The following DPYD variants were observed in gnomAD, a reference collection of about 807,000 sequenced individuals.
DPYD encodes dihydropyrimidine dehydrogenase.
A neutral mutation model predicts 116.2 loss-of-function variants in DPYD; 109 were observed. The observed-to-expected ratio is 0.94, with a 90% CI of 0.80 to 1.10. The LOEUF (loss-of-function observed/expected upper bound fraction) is 1.10, where lower values mean the gene tolerates loss of function less well. DPYD is among the 50% of genes least tolerant of loss of function. DPYD has a pLI of 0.00. For missense variants in DPYD, 1,302 were observed against 1,254.5 expected (o/e 1.04, Z -0.57); for synonymous variants, 440 against 432.0 (o/e 1.02, Z -0.23).
intron 3 of DPYD, among the ~76,000 whole-genome samples, chr1:97,743,436 T>C (rs1003358745): frequency 6.6e-6 from 1 of 152,122 alleles, no homozygotes; most frequent in Admixed American, 6.6e-5. Context: ...TATCAACCAC[T>C]GCACTGGAAT....
intron 8 of DPYD, among the ~76,000 whole-genome samples, chr1:97,649,180 A>G: frequency 6.6e-6 from 1 of 152,086 alleles, no homozygotes; most frequent in East Asian, 1.9e-4. Context: ...TTGAGGAAGC[A>G]ATTTTTAGTC....
chr1:97,723,113 A>C (rs1205398723), intron 4 of DPYD, among the ~76,000 whole-genome samples: 1 of 151,650 alleles, frequency 6.6e-6, no homozygotes, highest in Non-Finnish European at 1.5e-5. Flanking sequence ...GTAAATGAAC[A>C]TTTTAAAATA....
chr1:97,825,980 C>T (rs865830409), intron 3 of DPYD, among the ~76,000 whole-genome samples: 25 of 152,204 alleles, frequency 1.6e-4, no homozygotes, highest in Middle Eastern at 3.4e-3. Context: ...CTATTAATTA[C>T]TAAATTATTC....
chr1:97,143,210 G>A (rs1654359082), intron 20 of DPYD, among the ~76,000 whole-genome samples: 1 of 151,958 alleles, frequency 6.6e-6, no homozygotes, highest in African/African-American at 2.4e-5. Flanking sequence ...TTGAAAATAA[G>A]TCACTTTCAT....
At chr1:97,491,184 T>C (rs900778278) in intron 13 of DPYD, among the ~76,000 whole-genome samples, 4 of 147,768 alleles carry the variant, frequency 2.7e-5, no homozygotes, top group Admixed American at 6.8e-5. Flanking sequence ...TCGTAGTATA[T>C]TATATATAAT....
intron 11 of DPYD, among the ~76,000 whole-genome samples, chr1:97,565,607 G>C (rs1652463619): frequency 6.6e-6 from 1 of 152,100 alleles, no homozygotes; most frequent in Non-Finnish European, 1.5e-5. Flanking sequence ...GATGTTCTCT[G>C]TAACAGGAAA....
intron 2 of DPYD, among the ~76,000 whole-genome samples, chr1:97,858,495 T>C (rs1670960158): frequency 6.6e-6 from 1 of 152,204 alleles, no homozygotes; most frequent in Non-Finnish European, 1.5e-5. Flanking sequence ...TTGCTTCCTT[T>C]CTTCTACTTC....
chr1:97,125,145 A>T (rs1652739306), intron 20 of DPYD, among the ~76,000 whole-genome samples: 1 of 152,130 alleles, frequency 6.6e-6, no homozygotes, highest in Non-Finnish European at 1.5e-5. Flanking sequence ...CAGTGGTTTC[A>T]GGACCTTGCA....
intron 8 of DPYD, among the ~76,000 whole-genome samples, chr1:97,647,568 A>G (rs562032458): frequency 4.6e-5 from 7 of 152,154 alleles, no homozygotes; most frequent in Middle Eastern, 3.4e-3. Context: ...GGAAATATAT[A>G]TACAATGTAT....
chr1:97,667,140 A>G (rs1484928976), intron 8 of DPYD, among the ~76,000 whole-genome samples: 1 of 152,172 alleles, frequency 6.6e-6, no homozygotes, highest in Non-Finnish European at 1.5e-5. Context: ...CATACAAAAT[A>G]TTTGATATCT....
chr1:97,864,883 T>C (rs76586805), intron 2 of DPYD, among the ~76,000 whole-genome samples: 10,769 of 151,938 alleles, frequency 0.071, 531 homozygotes, highest in South Asian at 0.11. Context: ...GCCTGGCATT[T>C]CTAGAGAATG....
chr1:97,837,825 TA>T, intron 2 of DPYD, among the ~76,000 whole-genome samples: 1 of 152,266 alleles, frequency 6.6e-6, no homozygotes, highest in South Asian at 2.1e-4. Flanking sequence ...GGTAAAAATC[TA>T]ACATAGCAGA....
At chr1:97,444,075 T>A (rs1312472084) in intron 14 of DPYD, among the ~76,000 whole-genome samples, 1 of 152,200 alleles carries the variant, frequency 6.6e-6, no homozygotes, top group Non-Finnish European at 1.5e-5. Context: ...GACAGCTACA[T>A]CCTTGCAAAG....
chr1:97,795,838 G>A (rs1667544997), intron 3 of DPYD, among the ~76,000 whole-genome samples: 1 of 151,632 alleles, frequency 6.6e-6, no homozygotes, highest in Non-Finnish European at 1.5e-5. Context: ...TCATTTTGTT[G>A]TGCCCTAGGT....
intron 14 of DPYD, among the ~76,000 whole-genome samples, chr1:97,401,352 C>T (rs1340974274): frequency 3.3e-5 from 5 of 151,954 alleles, no homozygotes; most frequent in African/African-American, 1.2e-4. Context: ...CTTGCTCTGT[C>T]TCCCAGGATG....
At chr1:97,587,820 T>C (rs1431632837) in intron 10 of DPYD, among the ~76,000 whole-genome samples, 1 of 123,894 alleles carries the variant, frequency 8.1e-6, no homozygotes, top group African/African-American at 3.2e-5. Flanking sequence ...CAAGACTCCA[T>C]CTCCAAAAAA....
chr1:97,186,646 C>T (rs902397893), intron 20 of DPYD, among the ~76,000 whole-genome samples: 3 of 152,018 alleles, frequency 2.0e-5, no homozygotes, highest in Admixed American at 6.6e-5. Context: ...GTGAGGAGTT[C>T]GAGAACAGCC....
chr1:97,102,422 T>C lies in DPYD; in HGVS notation c.2623-3790A>G, dbSNP rs974152429. 2.2e-5 allele frequency among the ~76,000 whole-genome samples: 3 copies of C among 134,506 alleles called. No homozygotes were observed. The South Asian group carries it at 7.6e-4, about 34-fold the overall frequency. 88.2% of individuals were successfully genotyped at this position (134,506 alleles called of 152,430 possible). On this transcript the variant is annotated intron_variant, in intron 20 of 22. Transcript: ENST00000370192. The stretch of plus-strand genomic sequence containing the variant: ...ATATATATATATATATATATATATG[T>C]ATATATGTATCTTATTCAGTATAAA...
intron 8 of DPYD, among the ~76,000 whole-genome samples, chr1:97,616,230 T>C (rs1236546917): frequency 6.6e-6 from 1 of 152,162 alleles, no homozygotes; most frequent in Non-Finnish European, 1.5e-5. Context: ...AGGTATTCAA[T>C]TAATGTTAGT....
Sources: allele counts gnomAD v4.1 joint callset (sites outside exome capture counted in the v4.1 genomes callset), GRCh38; gene constraint gnomAD v4.1.1; transcripts MANE v1.5; gene names NCBI Gene and HGNC (gene_info 2026-07-23, HGNC 2026-07-21).